Variants in ODF2 observed in about 807,000 individuals in gnomAD.
ODF2 encodes the protein outer dense fiber protein 2.
A neutral mutation model predicts 110.2 loss-of-function variants in ODF2; 47 were observed. The observed-to-expected ratio is 0.43, with a 90% CI of 0.34 to 0.54. The LOEUF (loss-of-function observed/expected upper bound fraction) is 0.54. Among genes scored for constraint, ODF2 ranks in the 20% least tolerant of loss-of-function variants. The pLI, the probability that ODF2 is intolerant of heterozygous loss-of-function variation, is 0.03. For missense variants in ODF2, 812 were observed against 1,054.5 expected (o/e 0.77, Z 3.19); for synonymous variants, 352 against 397.7 (o/e 0.89, Z 1.37).
At chr9:128,475,503 A>C (rs962816092) in intron 8 of ODF2, among the ~76,000 whole-genome samples, 22 of 152,236 alleles carry the variant, frequency 1.4e-4, no homozygotes, top group African/African-American at 5.3e-4. Flanking sequence ...GCAATTTTCA[A>C]GTATACACAT....
intron 14 of ODF2, among the ~76,000 whole-genome samples, chr9:128,490,411 T>G (rs1469610731): frequency 6.6e-6 from 1 of 151,988 alleles, no homozygotes; most frequent in Admixed American, 6.6e-5. Context: ...GCCTCCCAAG[T>G]AGCTGGGATT....
rs186439313 is a variant in ODF2, at chr9:128,494,704, C to G, written c.1911+36C>G. ...GGCAGAAAGGGTCCCACGAACTGACCCGAGCAGGGGCCCGCATACCAAGAT... is the reference window on the plus strand; with the variant it reads ...GGCAGAAAGGGTCCCACGAACTGACGCGAGCAGGGGCCCGCATACCAAGAT... On this transcript the variant is annotated intron_variant, in intron 17 of 20. Transcript: ENST00000604420. This position sits in a 1 kb window ranked among gnomAD's most constrained non-coding sequence, Gnocchi z 4.6. The G allele has an allele frequency of 6.2e-7, 1 of 1,614,134 alleles. No individual in the cohort carries two copies. Among genetic ancestry groups the G allele is most frequent in the Non-Finnish European group, 8.5e-7 (1 of 1,180,040 alleles).
chr9:128,485,021 T>G lies in ODF2; in HGVS notation c.1290+135T>G. 1 of 961,182 alleles carries G rather than the reference T, an allele frequency of 1.0e-6. No individual in the cohort carries two copies. The highest frequency in any genetic ancestry group is 1.6e-6 in the Non-Finnish European group (1 of 629,538). The allele number at this position is 961,182 out of a possible 1,614,324, so 59.5% of individuals were successfully genotyped here. ...GGTAGTGGTGGAAAGGATAGATGGC[T>G]GGGGAGGAGGGAGAGGGAGTTAAGG... On this transcript the variant is annotated intron_variant, in intron 12 of 20. Coordinates refer to ENST00000604420, the Ensembl canonical transcript of ODF2. This position sits in a 1 kb window ranked among gnomAD's most constrained non-coding sequence, Gnocchi z 5.0.
intron 11 of ODF2, 90 bp downstream of exon 11, chr9:128,484,144 G>A (rs1174505600): frequency 1.1e-6 from 1 of 928,402 alleles, no homozygotes; most frequent in Non-Finnish European, 1.7e-6. Flanking sequence ...CACTCAGGAA[G>A]TGTGCCTCCA....
intron 18 of ODF2, among the ~76,000 whole-genome samples, chr9:128,496,881 C>T (rs1845645028): frequency 6.6e-6 from 1 of 152,148 alleles, no homozygotes; most frequent in Non-Finnish European, 1.5e-5. Flanking sequence ...GCGTATGCCA[C>T]CATGCCTGGC....
chr9:128,489,661 A>G (rs1171047378), intron 14 of ODF2, among the ~76,000 whole-genome samples: 2 of 152,186 alleles, frequency 1.3e-5, no homozygotes, highest in Non-Finnish European at 2.9e-5. Context: ...TTGGGTTTCC[A>G]TAGTGTTGCT....
intron 1 of ODF2, chr9:128,456,778 C>T: frequency 7.6e-7 from 1 of 1,316,038 alleles, no homozygotes; most frequent in Non-Finnish European, 9.8e-7. Context: ...TCCCGCCCGC[C>T]CCCTCCCAGC....
chr9:128,461,103 C>T, intron 4 of ODF2, 36 bp downstream of exon 4: 12 of 1,604,766 alleles, frequency 7.5e-6, no homozygotes, highest in South Asian at 1.1e-5. Context: ...TCTTCTCGGA[C>T]TGCTCAGATC....
rs1835368003 is a variant in ODF2 at position 128,457,953 on chromosome 9, T to C, written c.32+516T>C. 2.0e-5 allele frequency among the ~76,000 whole-genome samples: 3 copies of C among 151,322 alleles called. No homozygotes were observed. The East Asian group carries it at 5.8e-4, about 29-fold the overall frequency. ...TATATATATATATATATTTTTTTTT[T>C]TTCCCCTCTTTTTAAAATCACGATG... On this transcript the variant is annotated intron_variant, in intron 2 of 20. Transcript: ENST00000604420.
At chr9:128,464,443 T>C (rs1411409566) in intron 4 of ODF2, among the ~76,000 whole-genome samples, 1 of 152,068 alleles carries the variant, frequency 6.6e-6, no homozygotes, top group Non-Finnish European at 1.5e-5. Flanking sequence ...CGTGAGCCAC[T>C]GTGCCCAGCC....
At chr9:128,499,398 C>G (rs530632505) in intron 20 of ODF2, among the ~76,000 whole-genome samples, 4 of 152,024 alleles carry the variant, frequency 2.6e-5, no homozygotes, top group Admixed American at 1.3e-4. Context: ...TGATCCCCAC[C>G]CCACCCTCAG....
At chr9:128,455,707 C>T (rs1048747331), upstream of ODF2, among the ~76,000 whole-genome samples, 2 of 151,918 alleles carry the variant, frequency 1.3e-5, no homozygotes, top group African/African-American at 4.8e-5. Context: ...CAGAAGCCGA[C>T]TCCATCTCCG....
exon 19 of ODF2, chr9:128,498,450 C>A: frequency 6.2e-7 from 1 of 1,612,118 alleles, no homozygotes; most frequent in Non-Finnish European, 8.5e-7. Flanking sequence ...TATCGAGTTC[C>A]TACAGGTGAT....
chr9:128,496,072 C>T (rs367841821), exon 18 of ODF2: 46 of 1,613,604 alleles, frequency 2.9e-5, no homozygotes, highest in East Asian at 8.9e-5. Flanking sequence ...CTGGAGATGG[C>T]GAGAGAGAAA....
chr9:128,456,072 G>A (rs975533172), upstream of ODF2: 9 of 1,511,188 alleles, frequency 6.0e-6, no homozygotes, highest in Non-Finnish European at 6.2e-6. Context: ...AGCGGCTCCC[G>A]GGGGGGTTTG....
At chr9:128,484,146 G>A (rs1454522270) in intron 11 of ODF2, 92 bp downstream of exon 11, 3 of 922,986 alleles carry the variant, frequency 3.3e-6, no homozygotes, top group Admixed American at 3.7e-5. Context: ...CTCAGGAAGT[G>A]TGCCTCCAAA....
At chr9:128,484,848 G>C (rs1272269257) in exon 12 of ODF2, 8 of 1,614,068 alleles carry the variant, frequency 5.0e-6, no homozygotes, top group Non-Finnish European at 6.8e-6. Context: ...GAAGAGCGAG[G>C]AGTATGCTGA....
downstream of ODF2, chr9:128,501,037 T>C (rs1406535321): frequency 1.3e-5 from 2 of 152,220 alleles, no homozygotes; most frequent in Non-Finnish European, 2.9e-5. Context: ...AGTAAAATGC[T>C]GCAGGACAGC....
At chr9:128,471,513 C>A (rs1233873329) in intron 6 of ODF2, 45 bp downstream of exon 6, 1 of 1,592,480 alleles carries the variant, frequency 6.3e-7, no homozygotes, top group African/African-American at 1.4e-5. Flanking sequence ...TTCCTCCCTA[C>A]CAGGCTGCCT....
Sources: allele counts gnomAD v4.1 joint callset (sites outside exome capture counted in the v4.1 genomes callset), GRCh38; gene constraint gnomAD v4.1.1; non-coding constraint Gnocchi (gnomAD v3.1); transcripts MANE v1.5; gene names NCBI Gene and HGNC (gene_info 2026-07-23, HGNC 2026-07-21).